MSRA: variants seen among roughly 807,000 people sequenced by gnomAD.
MSRA encodes mitochondrial peptide methionine sulfoxide reductase.
MSRA carries 54 observed loss-of-function variants against 31.3 expected under a neutral mutation model. That is an observed-to-expected ratio of 1.73 (90% confidence interval 1.39 to 2.17). The LOEUF (loss-of-function observed/expected upper bound fraction) is 2.17. Ranked by LOEUF, MSRA falls within the 30% of genes most tolerant of loss-of-function variation. MSRA has a pLI of 0.00. For missense variants in MSRA, 507 were observed against 300.9 expected (o/e 1.69, Z -5.07); for synonymous variants, 169 against 116.5 (o/e 1.45, Z -2.90).
At chr8:10,145,630 T>C (rs1027524331) in intron 1 of MSRA, among the ~76,000 whole-genome samples, 4 of 152,226 alleles carry the variant, frequency 2.6e-5, no homozygotes, top group Admixed American at 2.6e-4. Flanking sequence ...CTGTGACCTG[T>C]TCACTTTCAA....
chr8:10,189,666 A>G (rs1331308242), intron 1 of MSRA, among the ~76,000 whole-genome samples: 1 of 152,170 alleles, frequency 6.6e-6, no homozygotes, highest in Non-Finnish European at 1.5e-5. Flanking sequence ...TGTTAAAACA[A>G]CTTTGAATTC....
chr8:10,343,692 C>G (rs539429706), intron 5 of MSRA, among the ~76,000 whole-genome samples: 2 of 152,252 alleles, frequency 1.3e-5, no homozygotes, highest in African/African-American at 4.8e-5. Flanking sequence ...GTGACCTGCA[C>G]ACACAAGTCA....
At chr8:10,097,948 T>C (rs1799287463) in intron 1 of MSRA, among the ~76,000 whole-genome samples, 1 of 152,120 alleles carries the variant, frequency 6.6e-6, no homozygotes, top group East Asian at 1.9e-4. Flanking sequence ...GCCTACACAT[T>C]ACATAGCTTA....
chr8:10,169,914 T>C (rs1805449731), intron 1 of MSRA, among the ~76,000 whole-genome samples: 1 of 128,726 alleles, frequency 7.8e-6, no homozygotes, highest in Admixed American at 8.0e-5. Flanking sequence ...ATTTTCTTTC[T>C]TTCTTTTTTT....
intron 1 of MSRA, among the ~76,000 whole-genome samples, chr8:10,200,996 G>C (rs746099786): frequency 6.6e-6 from 1 of 152,136 alleles, no homozygotes; most frequent in African/African-American, 2.4e-5. Context: ...GGGCTTGTGG[G>C]CCACATAGGA....
At chr8:10,155,919 G>C (rs1451095932) in intron 1 of MSRA, among the ~76,000 whole-genome samples, 1 of 152,172 alleles carries the variant, frequency 6.6e-6, no homozygotes, top group East Asian at 1.9e-4. Flanking sequence ...GGATGGATGT[G>C]AAAACTATTG....
At chr8:10,297,319 C>G (rs1285978350) in intron 3 of MSRA, among the ~76,000 whole-genome samples, 1 of 152,234 alleles carries the variant, frequency 6.6e-6, no homozygotes, top group Admixed American at 6.5e-5. Flanking sequence ...GGACATCATC[C>G]TTTTCATTTT....
intron 1 of MSRA, among the ~76,000 whole-genome samples, chr8:10,081,356 C>T (rs567354484): frequency 1.3e-5 from 2 of 152,306 alleles, no homozygotes; most frequent in South Asian, 2.1e-4. Context: ...ACCATGGGAA[C>T]GTGAAGCTAT....
chr8:10,291,444 C>T (rs959607064), intron 3 of MSRA, among the ~76,000 whole-genome samples: 22 of 151,800 alleles, frequency 1.4e-4, no homozygotes, highest in Non-Finnish European at 2.9e-5. Flanking sequence ...GATAAAATGA[C>T]AGTATAGACA....
chr8:10,314,318 C>A (rs1254481414), intron 4 of MSRA, among the ~76,000 whole-genome samples: 1 of 151,682 alleles, frequency 6.6e-6, no homozygotes, highest in Admixed American at 6.6e-5. Context: ...AATGTATGTG[C>A]AGTATTTTTT....
At chr8:10,097,138 A>G (rs557657492) in intron 1 of MSRA, among the ~76,000 whole-genome samples, 18 of 152,346 alleles carry the variant, frequency 1.2e-4, no homozygotes, top group African/African-American at 4.3e-4. Flanking sequence ...ATAGTGACAC[A>G]TCAGCAATCC....
intron 5 of MSRA, among the ~76,000 whole-genome samples, chr8:10,418,944 T>A (rs1400892916): frequency 6.8e-6 from 1 of 147,328 alleles, no homozygotes; most frequent in East Asian, 2.0e-4. Context: ...GGTGACAGAG[T>A]GAGACCCTGT....
rs531810253 is a variant in MSRA, at chr8:10,171,335, C to T, written c.143-36498C>T. On this transcript the variant is annotated intron_variant, in intron 1 of 5. Transcript: ENST00000317173. ...CTGAAAAAAGTAGTGACAGACCTGA[C>T]ATTTTAAGAGCACTATCCCAATTTA... 2.3e-3 allele frequency among the ~76,000 whole-genome samples: 345 copies of T among 149,352 alleles called. 2 individuals are homozygous for T. Among genetic ancestry groups the T allele is most frequent in the South Asian group, 0.01 (49 of 4,710 alleles).
intron 1 of MSRA, among the ~76,000 whole-genome samples, chr8:10,174,676 C>G (rs1805880935): frequency 6.6e-6 from 1 of 152,152 alleles, no homozygotes; most frequent in East Asian, 1.9e-4. Flanking sequence ...TTGTCCCCAT[C>G]CGCCCTCTTG....
intron 1 of MSRA, among the ~76,000 whole-genome samples, chr8:10,201,008 C>A (rs1808449919): frequency 1.3e-5 from 2 of 152,108 alleles, no homozygotes; most frequent in Admixed American, 1.3e-4. Context: ...CACATAGGAA[C>A]CTTACTTACT....
chr8:10,234,882 T>C (rs1811820952), intron 2 of MSRA, among the ~76,000 whole-genome samples: 1 of 151,990 alleles, frequency 6.6e-6, no homozygotes, highest in African/African-American at 2.4e-5. Flanking sequence ...AAGAGGATAA[T>C]AAGACTTGTG....
At chr8:10,345,915 A>G (rs1803742767) in intron 5 of MSRA, among the ~76,000 whole-genome samples, 1 of 152,158 alleles carries the variant, frequency 6.6e-6, no homozygotes, top group Non-Finnish European at 1.5e-5. Flanking sequence ...AACCTACTTT[A>G]TTTAGTTTAA....
At chr8:10,364,839 A>G (rs531143229) in intron 5 of MSRA, among the ~76,000 whole-genome samples, 2 of 152,354 alleles carry the variant, frequency 1.3e-5, no homozygotes, top group East Asian at 1.9e-4. Flanking sequence ...CCCCGGATGT[A>G]GAAACATTGG....
intron 1 of MSRA, among the ~76,000 whole-genome samples, chr8:10,088,616 G>A (rs1798690164): frequency 2.0e-5 from 3 of 152,216 alleles, no homozygotes; most frequent in East Asian, 1.9e-4. Flanking sequence ...CATGCTTGCA[G>A]TCCCAGCTAC....
Sources: gnomAD v4.1 joint callset for allele counts (sites outside exome capture counted in the v4.1 genomes callset) on GRCh38, gnomAD v4.1.1 for gene constraint, MANE v1.5 for transcripts, NCBI Gene and HGNC (gene_info 2026-07-23, HGNC 2026-07-21) for gene names.